PCDH9: variants seen among roughly 807,000 people sequenced by gnomAD.
PCDH9 encodes protocadherin-9.
PCDH9 carries 24 observed loss-of-function variants against 70.6 expected under a neutral mutation model. The ratio of observed to expected loss-of-function variants is 0.34; its 90% CI spans 0.25 to 0.48. The LOEUF (loss-of-function observed/expected upper bound fraction) is 0.48, where lower values mean the gene tolerates loss of function less well. Ranked by LOEUF, PCDH9 falls within the 20% of genes least tolerant of loss-of-function variation. PCDH9 has a pLI of 0.99. For missense variants in PCDH9, 1,281 were observed against 1,503.6 expected, an observed-to-expected ratio of 0.85 and a Z score of 2.45; for synonymous variants, 562 against 558.5, an observed-to-expected ratio of 1.01 and a Z score of -0.09.
chr13:66,785,781 A>G (rs1348522214), intron 3 of PCDH9, among the ~76,000 whole-genome samples: 2 of 151,958 alleles, frequency 1.3e-5, no homozygotes, highest in African/African-American at 4.8e-5. Flanking sequence ...TAGGGCATGT[A>G]TGGATCACCC....
intron 2 of PCDH9, among the ~76,000 whole-genome samples, chr13:67,122,607 T>A (rs1189093147): frequency 2.0e-5 from 3 of 151,718 alleles, no homozygotes; most frequent in Admixed American, 2.0e-4. Flanking sequence ...ACCCTGTCTG[T>A]ACTAAAATAC....
intron 2 of PCDH9, among the ~76,000 whole-genome samples, chr13:67,181,393 AT>A (rs2088611571): frequency 6.6e-6 from 1 of 152,174 alleles, no homozygotes; most frequent in Non-Finnish European, 1.5e-5. Context: ...CGTAGAGGAA[AT>A]TCATATCACA....
chr13:66,461,035 G>A (rs935417253), intron 4 of PCDH9, among the ~76,000 whole-genome samples: 1 of 151,854 alleles, frequency 6.6e-6, no homozygotes, highest in African/African-American at 2.4e-5. Context: ...GAAGGTTAAT[G>A]CTGGGCAACA....
intron 3 of PCDH9, among the ~76,000 whole-genome samples, chr13:66,818,101 T>A (rs915208631): frequency 6.6e-6 from 1 of 152,320 alleles, no homozygotes; most frequent in Non-Finnish European, 1.5e-5. Flanking sequence ...TCTTCATTAA[T>A]AACACTTTCA....
chr13:66,550,270 CTTA>C (rs1380440152), intron 4 of PCDH9, among the ~76,000 whole-genome samples: 1 of 151,854 alleles, frequency 6.6e-6, no homozygotes, highest in East Asian at 1.9e-4. Flanking sequence ...TCATAAAACC[CTTA>C]TTATGAAATA....
intron 2 of PCDH9, among the ~76,000 whole-genome samples, chr13:67,162,313 A>C (rs1198920938): frequency 6.6e-6 from 1 of 152,240 alleles, no homozygotes; most frequent in Non-Finnish European, 1.5e-5. Context: ...TTCAAAATAC[A>C]TGTCAACTTT....
At chr13:66,468,280 A>T (rs1958554018) in intron 4 of PCDH9, among the ~76,000 whole-genome samples, 1 of 151,942 alleles carries the variant, frequency 6.6e-6, no homozygotes, top group Non-Finnish European at 1.5e-5. Flanking sequence ...CACCCCATCT[A>T]CCTTAAAAAT....
At chr13:66,773,293 G>GT (rs1328198439) in intron 3 of PCDH9, among the ~76,000 whole-genome samples, 1 of 152,144 alleles carries the variant, frequency 6.6e-6, no homozygotes, top group African/African-American at 2.4e-5. Context: ...GCTATTGAGC[G>GT]TTTGAAAAGT....
intron 3 of PCDH9, among the ~76,000 whole-genome samples, chr13:66,880,433 A>C (rs537528918): frequency 6.6e-6 from 1 of 152,230 alleles, no homozygotes; most frequent in Admixed American, 6.5e-5. Flanking sequence ...GTCTATTCTT[A>C]GTAATTAAAA....
intron 4 of PCDH9, among the ~76,000 whole-genome samples, chr13:66,387,166 T>G (rs2138258271): frequency 6.6e-6 from 1 of 152,294 alleles, no homozygotes. Context: ...TCTTAATTAT[T>G]GTTCCTCTCC....
At chr13:66,863,295 C>A (rs2081514625) in intron 3 of PCDH9, among the ~76,000 whole-genome samples, 1 of 152,072 alleles carries the variant, frequency 6.6e-6, no homozygotes, top group Non-Finnish European at 1.5e-5. Context: ...ATAGTAACTA[C>A]CTCAGAATTT....
chr13:66,748,837 G>C (rs2079412890), intron 3 of PCDH9, among the ~76,000 whole-genome samples: 1 of 152,138 alleles, frequency 6.6e-6, no homozygotes, highest in South Asian at 2.1e-4. Context: ...GTTTGGCTCT[G>C]TGTCCCCACC....
chr13:66,755,075 TA>T (rs1355171558), intron 3 of PCDH9, among the ~76,000 whole-genome samples: 3 of 152,160 alleles, frequency 2.0e-5, no homozygotes. Flanking sequence ...CCAAAGCCAA[TA>T]TTCAAATAAC....
At chr13:67,145,954 A>G (rs913053049) in intron 2 of PCDH9, among the ~76,000 whole-genome samples, 3 of 152,116 alleles carry the variant, frequency 2.0e-5, no homozygotes, top group Admixed American at 6.5e-5. Context: ...TAGGGTCTTA[A>G]TATCTATAAT....
chr13:66,551,853 C>T (rs1333602742), intron 4 of PCDH9, among the ~76,000 whole-genome samples: 2 of 151,946 alleles, frequency 1.3e-5, no homozygotes, highest in South Asian at 2.1e-4. Flanking sequence ...TCCAAATAAC[C>T]GATATTTGCT....
chr13:66,575,357 C>T (rs2076799320), intron 4 of PCDH9, among the ~76,000 whole-genome samples: 1 of 152,034 alleles, frequency 6.6e-6, no homozygotes, highest in African/African-American at 2.4e-5. Flanking sequence ...CATAATCCAC[C>T]CAGTTGCTTA....
At chr13:66,409,141 T>C (rs1275805979) in intron 4 of PCDH9, among the ~76,000 whole-genome samples, 1 of 151,976 alleles carries the variant, frequency 6.6e-6, no homozygotes, top group Non-Finnish European at 1.5e-5. Flanking sequence ...TTGAATTCCA[T>C]ACAGACTTTG....
chr13:67,154,609 C>T (rs866540892), intron 2 of PCDH9, among the ~76,000 whole-genome samples: 13,505 of 77,392 alleles, frequency 0.17, 1,799 homozygotes, highest in Non-Finnish European at 0.24. Flanking sequence ...TATATATACA[C>T]ACACACACAC....
At chr13:66,439,471 A>C (rs1957934786) in intron 4 of PCDH9, among the ~76,000 whole-genome samples, 1 of 152,344 alleles carries the variant, frequency 6.6e-6, no homozygotes, top group South Asian at 2.1e-4. Context: ...TAACTATTCA[A>C]GATGATGGAT....
Sources: gnomAD v4.1 joint callset for allele counts (sites outside exome capture counted in the v4.1 genomes callset) on GRCh38, gnomAD v4.1.1 for gene constraint, MANE v1.5 for transcripts, NCBI Gene and HGNC (gene_info 2026-07-23, HGNC 2026-07-21) for gene names.